Variants in KIRREL3 observed in about 807,000 individuals in gnomAD.
KIRREL3 encodes the protein kin of IRRE-like protein 3.
KIRREL3 carries 36 observed loss-of-function variants against 89.7 expected under a neutral mutation model. The ratio of observed to expected loss-of-function variants is 0.40; its 90% CI spans 0.31 to 0.53. The LOEUF is 0.53. Among genes scored for constraint, KIRREL3 ranks in the 20% least tolerant of loss-of-function variants. The probability of loss-of-function intolerance (pLI) is 0.49; values close to 1 mark genes in which losing one functional copy is unlikely to be tolerated. For missense variants in KIRREL3, 864 were observed against 1,056.6 expected (o/e 0.82, Z 2.53); for synonymous variants, 445 against 441.4 (o/e 1.01, Z -0.10).
Position 126,997,867 on chromosome 11 carries a change from C to A in KIRREL3, c.55+2588G>T, listed in dbSNP as rs1436171069. Reference sequence around the variant, plus strand: ...TGTCATCGGAGTGCCAGATAAGGCACTAAAAACAACCCTGGACATTTGTTG... The same window carrying A: ...TGTCATCGGAGTGCCAGATAAGGCAATAAAAACAACCCTGGACATTTGTTG... On this transcript the variant is annotated intron_variant, in intron 1 of 16. Transcript: ENST00000525144. This position sits in a 1 kb window ranked among gnomAD's most constrained non-coding sequence, Gnocchi z 4.3. Among the ~76,000 whole-genome samples, 1 of 152,124 alleles carries A rather than the reference C, an allele frequency of 6.6e-6. No homozygotes were observed. The highest frequency in any genetic ancestry group is 1.9e-4 in the East Asian group (1 of 5,180).
intron 1 of KIRREL3, among the ~76,000 whole-genome samples, chr11:126,806,804 A>C (rs905637470): frequency 2.6e-5 from 4 of 151,778 alleles, no homozygotes; most frequent in African/African-American, 9.7e-5. Context: ...CACATGCATT[A>C]GGTATTTGTC....
In KIRREL3 at chr11:126,601,739, A is replaced by G. The variant is rs1016517106; in HGVS notation, c.56-38827T>C. Reference sequence around the variant, plus strand: ...GGTGCCATTCGCCCACCCCGCCTACATTCCTGGACGCCTATTTGGAGTTTC... The same window carrying G: ...GGTGCCATTCGCCCACCCCGCCTACGTTCCTGGACGCCTATTTGGAGTTTC... On this transcript the variant is annotated intron_variant, in intron 1 of 16. Coordinates refer to ENST00000525144, the MANE Select transcript of KIRREL3 (RefSeq NM_032531.4). The surrounding 1 kb of genome is among the most constrained non-coding windows in gnomAD (Gnocchi z 5.8). Among the ~76,000 whole-genome samples, 1 of 151,882 alleles carries G rather than the reference A, an allele frequency of 6.6e-6. No homozygotes were observed. The highest frequency in any genetic ancestry group is 2.4e-5 in the African/African-American group (1 of 41,322).
rs1948086600 is a variant in KIRREL3, at chr11:126,719,397, T to A, written c.56-156485A>T. ...CTTCTCCATCTCCTTTGCTAGTTCC[T>A]CCCCATCTCTATTATTCCCAAATGT... On this transcript the variant is annotated intron_variant, in intron 1 of 16. Transcript: ENST00000525144. This position sits in a 1 kb window ranked among gnomAD's most constrained non-coding sequence, Gnocchi z 4.7. Among the ~76,000 whole-genome samples the A allele has an allele frequency of 6.6e-6, 1 of 152,190 alleles. No homozygotes were observed. Among genetic ancestry groups the A allele is most frequent in the Admixed American group, 6.5e-5 (1 of 15,288 alleles).
rs1366232554 is a variant in KIRREL3, at chr11:126,946,676, C to A, written c.55+53779G>T. ...ACTTCATAATAAGATTAAATGGCTGCAAAAAATTCAATGCTTGGATATCCT... is the reference window on the plus strand; with the variant it reads ...ACTTCATAATAAGATTAAATGGCTGAAAAAAATTCAATGCTTGGATATCCT... On this transcript the variant is annotated intron_variant, in intron 1 of 16. Transcript: ENST00000525144. This position sits in a 1 kb window ranked among gnomAD's most constrained non-coding sequence, Gnocchi z 4.1. Among the ~76,000 whole-genome samples the A allele has an allele frequency of 6.6e-6, 1 of 152,074 alleles. No homozygotes were observed. The highest frequency in any genetic ancestry group is 2.4e-5 in the African/African-American group (1 of 41,406).
intron 1 of KIRREL3, among the ~76,000 whole-genome samples, chr11:126,854,206 AT>A (rs1235749350): frequency 6.7e-6 from 1 of 148,618 alleles, no homozygotes; most frequent in African/African-American, 2.5e-5. Context: ...TTAATAGTTG[AT>A]ACTTCTTTTT....
chr11:126,930,436 C>A (rs1457448486), intron 1 of KIRREL3, among the ~76,000 whole-genome samples: 2 of 152,222 alleles, frequency 1.3e-5, no homozygotes, highest in Admixed American at 6.5e-5. Context: ...CAAATCCATG[C>A]TCAATCCCCA....
chr11:126,618,536 G>A (rs1414722381), intron 1 of KIRREL3, among the ~76,000 whole-genome samples: 10 of 152,202 alleles, frequency 6.6e-5, no homozygotes, highest in Non-Finnish European at 1.2e-4. Context: ...CTGGGTTCAA[G>A]CGATTCTCCT....
In KIRREL3 at chr11:126,995,224, T is replaced by C. The variant is rs931882806; in HGVS notation, c.55+5231A>G. 8 of 456,028 alleles carry C rather than the reference T, an allele frequency of 1.8e-5. No homozygotes were observed. The highest frequency in any genetic ancestry group is 3.5e-5 in the Non-Finnish European group (8 of 226,940). The allele number at this position is 456,028 out of a possible 1,614,324, so 28.2% of individuals were successfully genotyped here. ...CCCACCGACCCTGCTCCAAGAGTGC[T>C]GGGATGTCCGCTGGCCTCGAGGCAA... is the stretch of plus-strand genomic sequence containing the variant. On this transcript the variant is annotated intron_variant, in intron 1 of 16. Coordinates refer to ENST00000525144, the MANE Select transcript of KIRREL3 (RefSeq NM_032531.4). This position sits in a 1 kb window ranked among gnomAD's most constrained non-coding sequence, Gnocchi z 6.5.
intron 1 of KIRREL3, among the ~76,000 whole-genome samples, chr11:126,632,656 C>CT (rs1944081013): frequency 7.2e-6 from 1 of 138,768 alleles, no homozygotes; most frequent in South Asian, 2.3e-4. Flanking sequence ...TTTCTTGTCT[C>CT]TATTATTTTC....
chr11:126,706,823 A>C (rs1448611021), intron 1 of KIRREL3, among the ~76,000 whole-genome samples: 1 of 152,094 alleles, frequency 6.6e-6, no homozygotes, highest in Non-Finnish European at 1.5e-5. Context: ...TTCTGTATTG[A>C]ATTTTAATAA....
intron 7 of KIRREL3, among the ~76,000 whole-genome samples, chr11:126,451,584 G>A (rs907337908): frequency 3.3e-5 from 5 of 149,788 alleles, no homozygotes; most frequent in Admixed American, 6.7e-5. Context: ...GTGTGTGTGC[G>A]TGTGTGTACA....
rs371838465 is a variant in KIRREL3 at position 126,526,013 on chromosome 11, G to C, written c.283+525C>G. On this transcript the variant is annotated intron_variant, in intron 3 of 16. Coordinates refer to ENST00000525144, the MANE Select transcript of KIRREL3 (RefSeq NM_032531.4). This position sits in a 1 kb window ranked among gnomAD's most constrained non-coding sequence, Gnocchi z 5.7. The stretch of plus-strand genomic sequence containing the variant: ...TACCAGCCTGCCCAAGCCGAACATA[G>C]TTGGAAATTTATTTTTAATACTTCC... 2.0e-5 allele frequency among the ~76,000 whole-genome samples: 3 copies of C among 152,200 alleles called. No individual in the cohort carries two copies. In the East Asian group the frequency reaches 5.8e-4, roughly 29 times the overall value.
intron 1 of KIRREL3, among the ~76,000 whole-genome samples, chr11:126,902,529 G>T (rs1946413489): frequency 6.6e-6 from 1 of 152,234 alleles, no homozygotes; most frequent in Non-Finnish European, 1.5e-5. Flanking sequence ...GCTCTCATAA[G>T]TATATCCCCC....
intron 1 of KIRREL3, among the ~76,000 whole-genome samples, chr11:126,839,027 C>G (rs564916133): frequency 6.6e-6 from 1 of 152,294 alleles, no homozygotes; most frequent in East Asian, 1.9e-4. Context: ...CAAGGGAGGA[C>G]TTGGCTTTTC....
At chr11:126,630,415 T>C (rs543492703) in intron 1 of KIRREL3, among the ~76,000 whole-genome samples, 1 of 152,286 alleles carries the variant, frequency 6.6e-6, no homozygotes, top group Non-Finnish European at 1.5e-5. Context: ...TAAAGCAGGT[T>C]TTCTACCAAT....
rs1004881249 is a variant in KIRREL3 at position 126,535,507 on chromosome 11, C to T, written c.134-8820G>A. On this transcript the variant is annotated intron_variant, in intron 2 of 16. Coordinates refer to ENST00000525144, the MANE Select transcript of KIRREL3 (RefSeq NM_032531.4). This position sits in a 1 kb window ranked among gnomAD's most constrained non-coding sequence, Gnocchi z 4.5. Reference sequence around the variant, plus strand: ...GGAAGAGTCATTTTGCCATGGAAGGCGCAGATTACAAGGGCCACGTCACTC... The same window carrying T: ...GGAAGAGTCATTTTGCCATGGAAGGTGCAGATTACAAGGGCCACGTCACTC... Among the ~76,000 whole-genome samples, 2 of 152,104 alleles carry T rather than the reference C, an allele frequency of 1.3e-5. No individual in the cohort carries two copies. The highest frequency in any genetic ancestry group is 2.1e-4 in the South Asian group (1 of 4,822).
intron 1 of KIRREL3, among the ~76,000 whole-genome samples, chr11:126,577,787 C>T (rs538110664): frequency 3.3e-5 from 5 of 151,798 alleles, no homozygotes; most frequent in South Asian, 4.2e-4. Flanking sequence ...AGACACTAAC[C>T]GTCCTTTCTC....
rs556969395 is a variant in KIRREL3 at position 126,437,023 on chromosome 11, C to T, written c.1354-14G>A. On this transcript the variant is annotated splice_polypyrimidine_tract_variant and intron_variant, in intron 11 of 16. Transcript: ENST00000525144. ...CCAGGACCAGGCCTGCCCGGGGGCGCAGAATCAGGAGGAGACCCCACCAGA... is the reference window on the plus strand; with the variant it reads ...CCAGGACCAGGCCTGCCCGGGGGCGTAGAATCAGGAGGAGACCCCACCAGA... 8.6e-6 allele frequency: 13 copies of T among 1,509,760 alleles called. 1 individual carries two copies. In the South Asian group the frequency reaches 1.6e-4, roughly 18 times the overall value. 93.5% of individuals were successfully genotyped at this position (1,509,760 alleles called of 1,614,324 possible).
intron 1 of KIRREL3, among the ~76,000 whole-genome samples, chr11:126,960,816 T>G (rs1949063749): frequency 6.6e-6 from 1 of 152,220 alleles, no homozygotes. Context: ...TTTTACAGCT[T>G]GAAGGTTTGT....
Sources: allele counts gnomAD v4.1 joint callset (sites outside exome capture counted in the v4.1 genomes callset), GRCh38; gene constraint gnomAD v4.1.1; non-coding constraint Gnocchi (gnomAD v3.1); transcripts MANE v1.5; gene names NCBI Gene and HGNC (gene_info 2026-07-23, HGNC 2026-07-21).